The following PTPRN2 variants were observed in gnomAD, a reference collection of about 807,000 sequenced individuals.
PTPRN2 encodes protein tyrosine phosphatase receptor type N2, also known as receptor-type tyrosine-protein phosphatase N2.
PTPRN2 carries 74 observed loss-of-function variants against 118.8 expected under a neutral mutation model. The ratio of observed to expected loss-of-function variants is 0.62; its 90% CI spans 0.52 to 0.76. The LOEUF (loss-of-function observed/expected upper bound fraction) is 0.76. PTPRN2 is among the 30% of genes least tolerant of loss of function. The pLI, the probability that PTPRN2 is intolerant of heterozygous loss-of-function variation, is 0.00. For missense variants in PTPRN2, 1,481 were observed against 1,394.4 expected (o/e 1.06, Z -0.99); for synonymous variants, 641 against 608.0 (o/e 1.05, Z -0.80).
chr7:157,990,339 G>A lies in PTPRN2; in HGVS notation c.1723+90959C>T, dbSNP rs1007603340. Among the ~76,000 whole-genome samples the A allele has an allele frequency of 6.6e-6, 1 of 152,288 alleles. No individual in the cohort carries two copies. Among genetic ancestry groups the A allele is most frequent in the Non-Finnish European group, 1.5e-5 (1 of 68,032 alleles). On this transcript the variant is annotated intron_variant, in intron 11 of 22. Transcript: ENST00000389418. This position sits in a 1 kb window ranked among gnomAD's most constrained non-coding sequence, Gnocchi z 4.3. ...CTGGAGCACAGAGGGGAGGGACGGG[G>A]ACAGGTGCAGCAGAGATTGGGCACG...
rs182321775 is a variant in PTPRN2 at position 157,841,483 on chromosome 7, T to C, written c.1788+57190A>G. On this transcript the variant is annotated intron_variant, in intron 12 of 22. Transcript: ENST00000389418. Reference sequence around the variant, plus strand: ...CCCTTCCCACCCCACCCGCAGGTGATGATTTTGAAAAGCTCCCCCAAAGGA... The same window carrying C: ...CCCTTCCCACCCCACCCGCAGGTGACGATTTTGAAAAGCTCCCCCAAAGGA... Among the ~76,000 whole-genome samples the C allele has an allele frequency of 4.1e-4, 62 of 152,266 alleles. 1 individual carries two copies. In the East Asian group the frequency reaches 0.011, roughly 28 times the overall value.
intron 2 of PTPRN2, among the ~76,000 whole-genome samples, chr7:158,372,634 G>T (rs939788078): frequency 2.0e-5 from 3 of 149,824 alleles, no homozygotes; most frequent in Non-Finnish European, 4.5e-5. Flanking sequence ...CCCGGAGCTG[G>T]TCCCCACCAC....
chr7:157,974,802 G>T lies in PTPRN2; in HGVS notation c.1724-76065C>A, dbSNP rs945076600. ...GGGGGTCTGGCAAGTGTAGACACAG[G>T]GCAGAAGTGGGCGCAGTGTCTGTGG... is the stretch of plus-strand genomic sequence containing the variant. On this transcript the variant is annotated intron_variant, in intron 11 of 22. Coordinates refer to ENST00000389418, the MANE Select transcript of PTPRN2 (RefSeq NM_002847.5). The surrounding 1 kb of genome is among the most constrained non-coding windows in gnomAD (Gnocchi z 4.0). Among the ~76,000 whole-genome samples, 1 of 152,036 alleles carries T rather than the reference G, an allele frequency of 6.6e-6. No individual in the cohort carries two copies. Among genetic ancestry groups the T allele is most frequent in the African/African-American group, 2.4e-5 (1 of 41,382 alleles).
intron 12 of PTPRN2, among the ~76,000 whole-genome samples, chr7:157,878,018 C>A (rs540021584): frequency 6.6e-6 from 1 of 152,232 alleles, no homozygotes; most frequent in Non-Finnish European, 1.5e-5. Flanking sequence ...TGATGCGGAG[C>A]GAAGGCTACT....
At chr7:158,256,581 C>T (rs541763438) in intron 3 of PTPRN2, among the ~76,000 whole-genome samples, 5 of 150,200 alleles carry the variant, frequency 3.3e-5, no homozygotes, top group South Asian at 2.1e-4. Flanking sequence ...CTGGCGGGGG[C>T]GGGGGGGAAC....
rs915492896 is a variant in PTPRN2 at position 157,603,930 on chromosome 7, T to G, written c.2418+72A>C. 2.1e-6 allele frequency: 3 copies of G among 1,435,328 alleles called. No individual in the cohort carries two copies. The African/African-American group carries it at 4.2e-5, about 20-fold the overall frequency. The allele number at this position is 1,435,328 out of a possible 1,614,324, so 88.9% of individuals were successfully genotyped here. ...GGGGACGTGATTTCCCCCGAGAACC[T>G]TCCCACGTGATTTGCCGCGTCCGTG... On this transcript the variant is annotated intron_variant, in intron 16 of 22. Transcript: ENST00000389418. This position sits in a 1 kb window ranked among gnomAD's most constrained non-coding sequence, Gnocchi z 5.4.
intron 12 of PTPRN2, among the ~76,000 whole-genome samples, chr7:157,827,491 G>A (rs1010876808): frequency 6.6e-6 from 1 of 152,222 alleles, no homozygotes; most frequent in African/African-American, 2.4e-5. Flanking sequence ...AAAGCGTTCG[G>A]GCTGTGTGGG....
rs143382340 is a variant in PTPRN2, at chr7:158,076,004, G to A, written c.1723+5294C>T. Among the ~76,000 whole-genome samples the A allele has an allele frequency of 1.9e-3, 289 of 152,346 alleles. 1 individual carries two copies. Among genetic ancestry groups the A allele is most frequent in the Middle Eastern group, 6.8e-3 (2 of 294 alleles). On this transcript the variant is annotated intron_variant, in intron 11 of 22. Coordinates refer to ENST00000389418, the MANE Select transcript of PTPRN2 (RefSeq NM_002847.5). ...GCTGCACCCTGGAGGTCTGGCGAAG[G>A]GGAGCGCTGGGATCCCTGTGCCTGG...
chr7:158,464,601 A>G (rs749589104), intron 2 of PTPRN2, among the ~76,000 whole-genome samples: 2 of 147,542 alleles, frequency 1.4e-5, no homozygotes, highest in African/African-American at 2.5e-5. Context: ...CCATACCGTC[A>G]CCATCATTGC....
At chr7:158,337,501 T>A (rs560870304) in intron 2 of PTPRN2, among the ~76,000 whole-genome samples, 584 of 149,760 alleles carry the variant, frequency 3.9e-3, no homozygotes, top group African/African-American at 0.014. Flanking sequence ...CAGACGTCAC[T>A]CGCACCCACA....
rs201122654 is a variant in PTPRN2 at position 157,760,847 on chromosome 7, G to A, written c.1789-77910C>T. 1.2e-4 allele frequency among the ~76,000 whole-genome samples: 19 copies of A among 152,036 alleles called. No homozygotes were observed. The Middle Eastern group carries it at 0.01, about 82-fold the overall frequency. ...GGTTTTCTAGATATACAATCATGTC[G>A]TCTGCAAACAGGGACAATTTGACTT... On this transcript the variant is annotated intron_variant, in intron 12 of 22. Transcript: ENST00000389418.
chr7:158,095,099 G>A (rs1026883830), intron 10 of PTPRN2, among the ~76,000 whole-genome samples: 12 of 152,148 alleles, frequency 7.9e-5, no homozygotes, highest in Non-Finnish European at 1.3e-4. Flanking sequence ...GCAGGTCTCA[G>A]CCTTTCCTGC....
chr7:157,633,860 A>G (rs1260317426), intron 14 of PTPRN2, among the ~76,000 whole-genome samples: 1 of 152,220 alleles, frequency 6.6e-6, no homozygotes, highest in Non-Finnish European at 1.5e-5. Context: ...AGCCACGGGA[A>G]GCTTTCATGA....
intron 11 of PTPRN2, among the ~76,000 whole-genome samples, chr7:158,025,459 T>C (rs1807195643): frequency 6.6e-6 from 1 of 152,202 alleles, no homozygotes; most frequent in South Asian, 2.1e-4. Flanking sequence ...TGTCAGATTT[T>C]AGAGGCTGAA....
intron 11 of PTPRN2, among the ~76,000 whole-genome samples, chr7:157,938,268 T>G (rs1799839093): frequency 6.6e-6 from 1 of 152,238 alleles, no homozygotes; most frequent in Non-Finnish European, 1.5e-5. Flanking sequence ...ACATCTGAAC[T>G]GCAGTGGAGA....
At chr7:158,026,535 T>G (rs1030209400) in intron 11 of PTPRN2, among the ~76,000 whole-genome samples, 13 of 152,236 alleles carry the variant, frequency 8.5e-5, no homozygotes, top group Non-Finnish European at 1.6e-4. Flanking sequence ...ATATTTACAA[T>G]GTAAGATAAT....
Position 158,570,099 on chromosome 7 carries a change from G to A in PTPRN2, c.112+17459C>T, listed in dbSNP as rs1217254037. On this transcript the variant is annotated intron_variant, in intron 1 of 22. Coordinates refer to ENST00000389418, the MANE Select transcript of PTPRN2 (RefSeq NM_002847.5). The surrounding 1 kb of genome is among the most constrained non-coding windows in gnomAD (Gnocchi z 4.5). The stretch of plus-strand genomic sequence containing the variant: ...AGGCAGGGGGAAGCCCCGAGAAGCC[G>A]CCGCGCCGGGCTGAGATCGGGCCCC... Among the ~76,000 whole-genome samples, 1 of 152,150 alleles carries A rather than the reference G, an allele frequency of 6.6e-6. No individual in the cohort carries two copies. Among genetic ancestry groups the A allele is most frequent in the Non-Finnish European group, 1.5e-5 (1 of 68,006 alleles).
chr7:158,274,095 C>T lies in PTPRN2; in HGVS notation c.277+42724G>A, dbSNP rs564792753. Among the ~76,000 whole-genome samples the T allele has an allele frequency of 1.2e-3, 124 of 104,944 alleles. 2 individuals carry two copies. The highest frequency in any genetic ancestry group is 4.5e-3 in the African/African-American group (111 of 24,810). 68.8% of individuals were successfully genotyped at this position (104,944 alleles called of 152,430 possible). A position where few individuals can be genotyped will look rare whatever the true frequency, so the allele number is the denominator to read the frequency against. ...GGAGCCGCAGACACAGGGGGAGCTG[C>T]AGACAGACATGGGAGGAGCCGCAGA... On this transcript the variant is annotated intron_variant, in intron 3 of 22. Transcript: ENST00000389418.
chr7:157,979,346 A>G (rs1468685557), intron 11 of PTPRN2, among the ~76,000 whole-genome samples: 2 of 152,272 alleles, frequency 1.3e-5, no homozygotes, highest in Non-Finnish European at 2.9e-5. Context: ...CCTTTAATCC[A>G]TGGTTTTCTC....
Sources: allele counts gnomAD v4.1 joint callset (sites outside exome capture counted in the v4.1 genomes callset), GRCh38; gene constraint gnomAD v4.1.1; non-coding constraint Gnocchi (gnomAD v3.1); transcripts MANE v1.5; gene names NCBI Gene and HGNC (gene_info 2026-07-23, HGNC 2026-07-21).